ZC3H12B: variants seen among roughly 807,000 people sequenced by gnomAD.
The protein encoded by ZC3H12B is probable ribonuclease ZC3H12B.
ZC3H12B carries 7 observed loss-of-function variants against 43.9 expected under a neutral mutation model. The observed-to-expected ratio is 0.16, with a 90% CI of 0.09 to 0.30. The LOEUF (loss-of-function observed/expected upper bound fraction) is 0.30, where lower values mean the gene tolerates loss of function less well. Ranked by LOEUF, ZC3H12B falls within the 10% of genes least tolerant of loss-of-function variation. The pLI is 1.00. For synonymous variants in ZC3H12B, 222 were observed against 241.7 expected (o/e 0.92, Z 0.76); for missense variants, 475 against 670.2 (o/e 0.71, Z 3.22).
the ZC3H12B span, among the ~76,000 whole-genome samples, chrX:65,347,214 T>C: frequency 9.0e-6 from 1 of 111,518 alleles, no homozygotes; most frequent in South Asian, 3.8e-4. Context: ...CAGAGGGGCC[T>C]GACTTTTAGA....
At chrX:65,160,932 A>G in the ZC3H12B span, among the ~76,000 whole-genome samples, 4 of 110,243 alleles carry the variant, frequency 3.6e-5, no homozygotes, top group Non-Finnish European at 7.6e-5. Flanking sequence ...AGTGCTTTGA[A>G]TGTGTCCCAG....
At chrX:65,492,124 TTTTTG>T (rs1302915804) in intron 1 of ZC3H12B, among the ~76,000 whole-genome samples, 1 of 110,280 alleles carries the variant, frequency 9.1e-6, no homozygotes, top group Non-Finnish European at 1.9e-5. Flanking sequence ...CCTACCATTT[TTTTTG>T]TTTTGTTTTG....
the ZC3H12B span, among the ~76,000 whole-genome samples, chrX:65,329,559 T>A: frequency 9.7e-6 from 1 of 103,468 alleles, no homozygotes; most frequent in Non-Finnish European, 1.9e-5. Context: ...TTTAATTAGA[T>A]CTCATTTGTC....
chrX:65,087,360 TTAAC>T, the ZC3H12B span, among the ~76,000 whole-genome samples: 13 of 112,225 alleles, frequency 1.2e-4, no homozygotes, highest in East Asian at 8.5e-4. Context: ...TTAATTGAAT[TTAAC>T]TAAAGTTGGC....
chrX:65,157,103 T>G, the ZC3H12B span, among the ~76,000 whole-genome samples: 1 of 111,035 alleles, frequency 9.0e-6, no homozygotes, highest in East Asian at 2.8e-4. Flanking sequence ...TACCTCAGCC[T>G]CCCAAGTAGC....
At chrX:65,148,197 A>G in the ZC3H12B span, among the ~76,000 whole-genome samples, 1 of 110,731 alleles carries the variant, frequency 9.0e-6, no homozygotes, top group Admixed American at 9.5e-5. Flanking sequence ...ATCTGATGCT[A>G]AGGTGGGCCT....
At chrX:65,156,060 C>G in the ZC3H12B span, among the ~76,000 whole-genome samples, 3 of 110,396 alleles carry the variant, frequency 2.7e-5, no homozygotes, top group Non-Finnish European at 5.7e-5. Context: ...TCACTTTTGG[C>G]AAGTTGGGTC....
chrX:65,458,906 C>A (rs370077124), intron 3 of ZC3H12B, among the ~76,000 whole-genome samples: 4 of 110,876 alleles, frequency 3.6e-5, no homozygotes, highest in African/African-American at 9.9e-5. Flanking sequence ...CTTCAAAAAA[C>A]CAATGAATCC....
intron 3 of ZC3H12B, chrX:65,469,290 C>T (rs916077419): frequency 3.6e-5 from 10 of 274,928 alleles, no homozygotes; most frequent in Admixed American, 5.2e-5. Flanking sequence ...GTGCTCCGAG[C>T]GCATCAAGTA....
At chrX:65,120,012 G>A in the ZC3H12B span, among the ~76,000 whole-genome samples, 1 of 111,855 alleles carries the variant, frequency 8.9e-6, no homozygotes, top group East Asian at 2.8e-4. Context: ...CTATATGTCT[G>A]TTTTGGTACC....
At chrX:65,311,424 C>T in the ZC3H12B span, among the ~76,000 whole-genome samples, 1 of 112,103 alleles carries the variant, frequency 8.9e-6, no homozygotes, top group Non-Finnish European at 1.9e-5. Context: ...CAGAGAAATG[C>T]AAATCAAAAC....
the ZC3H12B span, among the ~76,000 whole-genome samples, chrX:65,281,836 T>C: frequency 9.0e-6 from 1 of 111,603 alleles, no homozygotes; most frequent in Admixed American, 9.5e-5. Flanking sequence ...TTAATATAAA[T>C]GGAAAAGTTT....
the ZC3H12B span, among the ~76,000 whole-genome samples, chrX:65,315,710 A>G: frequency 8.9e-6 from 1 of 112,365 alleles, no homozygotes; most frequent in East Asian, 2.8e-4. Context: ...ATCAGGCCAC[A>G]CAGATGAGAA....
At chrX:65,130,450 T>C in the ZC3H12B span, among the ~76,000 whole-genome samples, 1 of 111,184 alleles carries the variant, frequency 9.0e-6, no homozygotes, top group African/African-American at 3.3e-5. Flanking sequence ...TTTAGTTTCC[T>C]GACTCGGGGC....
the ZC3H12B span, among the ~76,000 whole-genome samples, chrX:65,131,836 G>A: frequency 5.4e-5 from 6 of 111,661 alleles, no homozygotes; most frequent in South Asian, 1.1e-3. Context: ...GGGGATACCC[G>A]ATATCCCTTG....
At chrX:65,421,103 A>G (rs377526353) in intron 3 of ZC3H12B, among the ~76,000 whole-genome samples, 1 of 112,443 alleles carries the variant, frequency 8.9e-6, no homozygotes, top group East Asian at 2.8e-4. Flanking sequence ...TTGGTTCATT[A>G]CATTGATGAC....
At chrX:65,036,985 A>C in the ZC3H12B span, among the ~76,000 whole-genome samples, 1 of 108,987 alleles carries the variant, frequency 9.2e-6, no homozygotes, top group Non-Finnish European at 1.9e-5. Context: ...CTCTGGAATG[A>C]AGTTTTTTTT....
the ZC3H12B span, among the ~76,000 whole-genome samples, chrX:65,188,502 G>C: frequency 1.8e-5 from 2 of 109,584 alleles, no homozygotes; most frequent in Admixed American, 2.0e-4. Flanking sequence ...TTTGAATATA[G>C]GCCATTTTAA....
intron 3 of ZC3H12B, among the ~76,000 whole-genome samples, chrX:65,473,002 A>ATGTG (rs1362359810): frequency 3.3e-5 from 3 of 91,898 alleles, no homozygotes; most frequent in South Asian, 5.1e-4. Context: ...ATATATGTAT[A>ATGTG]TATATATATA....
Sources: allele counts gnomAD v4.1 joint callset (sites outside exome capture counted in the v4.1 genomes callset), GRCh38; gene constraint gnomAD v4.1.1; transcripts MANE v1.5; gene names NCBI Gene and HGNC (gene_info 2026-07-23, HGNC 2026-07-21).